The following KIAA1671 variants were observed in gnomAD, a reference collection of about 807,000 sequenced individuals.
KIAA1671 encodes KIAA1671.
In KIAA1671, 52 loss-of-function variants were observed where a neutral mutation model predicts 131.2. The ratio of observed to expected loss-of-function variants is 0.40; its 90% CI spans 0.32 to 0.50. The LOEUF (loss-of-function observed/expected upper bound fraction) is 0.50, where lower values mean the gene tolerates loss of function less well. KIAA1671 is among the 20% of genes least tolerant of loss of function. KIAA1671 has a pLI of 0.73. For missense variants in KIAA1671, 2,360 were observed against 2,364.2 expected (o/e 1.00, Z 0.04); for synonymous variants, 1,003 against 961.6 (o/e 1.04, Z -0.80).
intron 1 of KIAA1671, among the ~76,000 whole-genome samples, chr22:25,002,101 C>G (rs11090363): frequency 0.077 from 11,746 of 152,128 alleles, 1,486 homozygotes; most frequent in African/African-American, 0.27. Context: ...AAACCCTTTC[C>G]CATTGTCCTG....
chr22:25,118,188 AGGCTCT>A (rs1482002507), intron 6 of KIAA1671, among the ~76,000 whole-genome samples: 2 of 150,334 alleles, frequency 1.3e-5, no homozygotes, highest in Non-Finnish European at 2.9e-5. Flanking sequence ...CTCCCTCCAG[AGGCTCT>A]AGGGGAGCAT....
At chr22:25,012,905 C>G (rs1362157537) in intron 1 of KIAA1671, 1 of 152,234 alleles carries the variant, frequency 6.6e-6, no homozygotes, top group Non-Finnish European at 1.5e-5. Flanking sequence ...ACCAGAGCCT[C>G]CTAAAGTCGT....
intron 1 of KIAA1671, among the ~76,000 whole-genome samples, chr22:24,995,149 C>T (rs1376410487): frequency 2.0e-5 from 3 of 151,182 alleles, no homozygotes; most frequent in Non-Finnish European, 4.4e-5. Flanking sequence ...CTCCCGGGTT[C>T]ACGCCATTCT....
chr22:25,003,430 G>A (rs1334283675), intron 1 of KIAA1671, among the ~76,000 whole-genome samples: 2 of 42,730 alleles, frequency 4.7e-5, no homozygotes, highest in Non-Finnish European at 4.8e-5. Flanking sequence ...TTTTTTTTTT[G>A]AGACGGAGTC....
chr22:25,011,090 C>T (rs1324916471), intron 1 of KIAA1671: 2 of 152,210 alleles, frequency 1.3e-5, no homozygotes, highest in South Asian at 2.1e-4. Context: ...GATTCTCATG[C>T]CTCAGCCTCC....
intron 1 of KIAA1671, among the ~76,000 whole-genome samples, chr22:24,960,413 G>T (rs1195027716): frequency 5.3e-5 from 8 of 151,186 alleles, no homozygotes; most frequent in African/African-American, 1.7e-4. Flanking sequence ...AGGCATGGTG[G>T]CACGCGCCTG....
chr22:24,979,172 T>A (rs1373518839), intron 1 of KIAA1671, among the ~76,000 whole-genome samples: 2 of 25,142 alleles, frequency 8.0e-5, no homozygotes, highest in African/African-American at 7.9e-4. Context: ...ATTTTTGTAT[T>A]TTTTTTTTTT....
chr22:25,030,723 C>T (rs1400143054), intron 3 of KIAA1671, among the ~76,000 whole-genome samples: 1 of 152,210 alleles, frequency 6.6e-6, no homozygotes, highest in Admixed American at 6.5e-5. Context: ...GGCCCACTTC[C>T]GACATCTCTT....
At chr22:24,972,983 G>T (rs1922705030) in intron 1 of KIAA1671, among the ~76,000 whole-genome samples, 1 of 152,168 alleles carries the variant, frequency 6.6e-6, no homozygotes, top group African/African-American at 2.4e-5. Flanking sequence ...GGAGACAAAG[G>T]GGCCATCTGA....
intron 6 of KIAA1671, chr22:25,055,776 A>T (rs1340756039): frequency 7.0e-6 from 1 of 142,456 alleles, no homozygotes; most frequent in Non-Finnish European, 1.6e-5. Context: ...ACATACACAC[A>T]AACATATATA....
At chr22:24,999,537 A>G (rs555882157) in intron 1 of KIAA1671, among the ~76,000 whole-genome samples, 1 of 147,650 alleles carries the variant, frequency 6.8e-6, no homozygotes, top group African/African-American at 2.5e-5. Context: ...CTGGAGTAGT[A>G]TGGTATCTCA....
chr22:25,062,706 C>T (rs1242129646), intron 6 of KIAA1671: 1 of 152,394 alleles, frequency 6.6e-6, no homozygotes, highest in Admixed American at 6.5e-5. Flanking sequence ...CCATCTGCCC[C>T]TCCGCATGGT....
intron 10 of KIAA1671, among the ~76,000 whole-genome samples, chr22:25,182,940 A>G (rs1322826925): frequency 2.0e-5 from 3 of 152,202 alleles, no homozygotes; most frequent in Admixed American, 6.5e-5. Context: ...CAGAATGCCA[A>G]CTGTATTATG....
chr22:24,995,236 T>C (rs1359279193), intron 1 of KIAA1671, among the ~76,000 whole-genome samples: 1 of 151,788 alleles, frequency 6.6e-6, no homozygotes, highest in East Asian at 1.9e-4. Flanking sequence ...ATTTTTTTAG[T>C]AGAGACAGGG....
At chr22:25,138,252 C>G (rs1641680334) in intron 6 of KIAA1671, among the ~76,000 whole-genome samples, 1 of 152,196 alleles carries the variant, frequency 6.6e-6, no homozygotes, top group South Asian at 2.1e-4. Flanking sequence ...GAACAGCCGG[C>G]TGCATGGCTG....
chr22:25,017,208 C>T (rs1177572845), intron 1 of KIAA1671, among the ~76,000 whole-genome samples: 1 of 152,134 alleles, frequency 6.6e-6, no homozygotes, highest in Non-Finnish European at 1.5e-5. Context: ...CATGGCAAAA[C>T]CCCGTCTCTA....
intron 1 of KIAA1671, among the ~76,000 whole-genome samples, chr22:25,009,419 C>G (rs1374377816): frequency 6.6e-6 from 1 of 150,944 alleles, no homozygotes; most frequent in African/African-American, 2.4e-5. Context: ...TGCCTGTCAC[C>G]ACACCCAGCT....
intron 1 of KIAA1671, among the ~76,000 whole-genome samples, chr22:24,992,590 G>A (rs562352946): frequency 1.5e-3 from 229 of 152,046 alleles, no homozygotes; most frequent in African/African-American, 5.3e-3. Context: ...TGAGGTGGGC[G>A]GATCACTTGA....
chr22:25,177,568 G>C, intron 9 of KIAA1671, 46 bp downstream of exon 9: 1 of 1,503,042 alleles, frequency 6.7e-7, no homozygotes, highest in Non-Finnish European at 9.0e-7. Context: ...TTGAACAGCA[G>C]GAAGGATTTA....
Sources: gnomAD v4.1 joint callset for allele counts (sites outside exome capture counted in the v4.1 genomes callset) on GRCh38, gnomAD v4.1.1 for gene constraint, MANE v1.5 for transcripts, NCBI Gene and HGNC (gene_info 2026-07-23, HGNC 2026-07-21) for gene names.